Variants in JAZF1 observed in about 807,000 individuals in gnomAD.
JAZF1 encodes JAZF zinc finger 1, also known as juxtaposed with another zinc finger protein 1.
A neutral mutation model predicts 26.4 loss-of-function variants in JAZF1; 8 were observed. The ratio of observed to expected loss-of-function variants is 0.30; its 90% confidence interval spans 0.18 to 0.55. The LOEUF is 0.55. JAZF1 is among the 20% of genes least tolerant of loss of function. The pLI, the probability that JAZF1 is intolerant of heterozygous loss-of-function variation, is 0.94. For missense variants in JAZF1, 199 were observed against 322.0 expected (o/e 0.62, Z 2.92); for synonymous variants, 126 against 122.3 (o/e 1.03, Z -0.20).
At chr7:28,135,411 C>T (rs900638155) in intron 1 of JAZF1, among the ~76,000 whole-genome samples, 21 of 152,192 alleles carry the variant, frequency 1.4e-4, no homozygotes, top group African/African-American at 5.1e-4. Context: ...ACTAGTTTTA[C>T]AATTGTTCTT....
intron 1 of JAZF1, among the ~76,000 whole-genome samples, chr7:28,157,244 C>T (rs1783199997): frequency 6.6e-6 from 1 of 152,200 alleles, no homozygotes; most frequent in African/African-American, 2.4e-5. Context: ...GATAAGCAGA[C>T]AAAGTGAGAG....
intron 2 of JAZF1, among the ~76,000 whole-genome samples, chr7:27,897,561 T>C (rs17156000): frequency 0.018 from 2,717 of 152,314 alleles, 84 homozygotes; most frequent in African/African-American, 0.062. Flanking sequence ...TACGTAAGAA[T>C]GACCTCTGAC....
At chr7:27,987,572 G>C (rs1785755132) in intron 2 of JAZF1, among the ~76,000 whole-genome samples, 1 of 151,710 alleles carries the variant, frequency 6.6e-6, no homozygotes, top group Non-Finnish European at 1.5e-5. Context: ...GGAGGTGGGG[G>C]GCAGCCCCCG....
At chr7:28,049,072 C>CCTCTCT (rs1182638919) in intron 1 of JAZF1, among the ~76,000 whole-genome samples, 6 of 113,604 alleles carry the variant, frequency 5.3e-5, no homozygotes, top group African/African-American at 1.1e-4. Context: ...TCCCTCCCTT[C>CCTCTCT]CTCTCTCTCT....
chr7:28,015,532 C>G lies in JAZF1; in HGVS notation c.116-23551G>C, dbSNP rs377183530. On this transcript the variant is annotated intron_variant, in intron 1 of 4. Coordinates refer to ENST00000283928, the MANE Select transcript of JAZF1 (RefSeq NM_175061.4). ...TTAAAACAATTAGGGAACAGATGCTCTGAGATACATGTTAAAGCAAGATGC... is the reference window on the plus strand; with the variant it reads ...TTAAAACAATTAGGGAACAGATGCTGTGAGATACATGTTAAAGCAAGATGC... Among the ~76,000 whole-genome samples the G allele has an allele frequency of 1.8e-4, 27 of 152,248 alleles. No homozygotes were observed. The East Asian group carries it at 3.5e-3, about 20-fold the overall frequency.
rs149379560 is a variant in JAZF1, at chr7:27,846,193, G to A, written c.386-5326C>T. On this transcript the variant is annotated intron_variant, in intron 3 of 4. Transcript: ENST00000283928. ...TATTTGACATTTTCCACATATAAGT[G>A]AGATCATGTACTATTTTTCTGTGTC... 3.0e-3 allele frequency among the ~76,000 whole-genome samples: 455 copies of A among 152,108 alleles called. 3 individuals are homozygous for A. The highest frequency in any genetic ancestry group is 4.5e-3 in the Non-Finnish European group (307 of 68,006).
At chr7:28,023,183 G>C (rs1416925567) in intron 1 of JAZF1, among the ~76,000 whole-genome samples, 1 of 152,136 alleles carries the variant, frequency 6.6e-6, no homozygotes, top group Non-Finnish European at 1.5e-5. Flanking sequence ...ACTCCATGAA[G>C]GAAGACAGAA....
intron 1 of JAZF1, among the ~76,000 whole-genome samples, chr7:28,082,340 T>C (rs1208280999): frequency 6.6e-6 from 1 of 152,166 alleles, no homozygotes; most frequent in Non-Finnish European, 1.5e-5. Context: ...GTGTTCCTCA[T>C]TGAACTCTCC....
intron 1 of JAZF1, among the ~76,000 whole-genome samples, chr7:28,142,530 C>T (rs1377486700): frequency 6.6e-6 from 1 of 152,194 alleles, no homozygotes; most frequent in African/African-American, 2.4e-5. Flanking sequence ...TCCATGAGTA[C>T]TTCCCAAATA....
At chr7:28,179,366 T>C (rs893623030) in intron 1 of JAZF1, among the ~76,000 whole-genome samples, 59 of 152,230 alleles carry the variant, frequency 3.9e-4, no homozygotes, top group African/African-American at 1.2e-3. Flanking sequence ...AGAGGACTTG[T>C]TGAAAGGTCC....
At chr7:27,937,534 T>A (rs148842262) in intron 2 of JAZF1, among the ~76,000 whole-genome samples, 1 of 152,142 alleles carries the variant, frequency 6.6e-6, no homozygotes, top group South Asian at 2.1e-4. Flanking sequence ...AATATGATCC[T>A]CTCCTTTAAG....
chr7:27,979,241 T>A (rs56115705), intron 2 of JAZF1, among the ~76,000 whole-genome samples: 4,227 of 152,098 alleles, frequency 0.028, 195 homozygotes, highest in African/African-American at 0.097. Context: ...TTACATCTTA[T>A]ACTAAATGCT....
chr7:27,872,973 C>T (rs1329611832), intron 3 of JAZF1, among the ~76,000 whole-genome samples: 6 of 152,146 alleles, frequency 3.9e-5, no homozygotes, highest in African/African-American at 9.7e-5. Context: ...GTTAAATACA[C>T]TTTACAGCTG....
intron 2 of JAZF1, among the ~76,000 whole-genome samples, chr7:27,963,977 T>C (rs965548172): frequency 6.6e-6 from 1 of 152,168 alleles, no homozygotes; most frequent in Admixed American, 6.5e-5. Flanking sequence ...AACATCTGAA[T>C]TGGTTGCTTA....
At chr7:27,937,245 G>A (rs1562534240) in intron 2 of JAZF1, among the ~76,000 whole-genome samples, 1 of 152,294 alleles carries the variant, frequency 6.6e-6, no homozygotes, top group East Asian at 1.9e-4. Flanking sequence ...TAGGCTTAAT[G>A]TTTAAAAAGG....
chr7:28,067,205 C>T (rs919731730), intron 1 of JAZF1, among the ~76,000 whole-genome samples: 2 of 152,180 alleles, frequency 1.3e-5, no homozygotes, highest in East Asian at 3.8e-4. Flanking sequence ...AAGGCTGGGT[C>T]TGAAAAACCT....
chr7:27,884,140 C>A (rs1397111733), intron 3 of JAZF1, among the ~76,000 whole-genome samples: 1 of 152,180 alleles, frequency 6.6e-6, no homozygotes. Flanking sequence ...CTGAAATGCA[C>A]AAATCTTAAG....
chr7:27,834,752 C>T (rs953265548), intron 4 of JAZF1, among the ~76,000 whole-genome samples: 1 of 152,212 alleles, frequency 6.6e-6, no homozygotes, highest in African/African-American at 2.4e-5. Flanking sequence ...CCAAGTGAGC[C>T]TTCAGATGAT....
At chr7:28,021,653 C>A (rs1391692860) in intron 1 of JAZF1, among the ~76,000 whole-genome samples, 1 of 152,196 alleles carries the variant, frequency 6.6e-6, no homozygotes, top group East Asian at 1.9e-4. Context: ...AGGACAGAGG[C>A]ACTAGACACC....
Sources: allele counts gnomAD v4.1 joint callset (sites outside exome capture counted in the v4.1 genomes callset), GRCh38; gene constraint gnomAD v4.1.1; transcripts MANE v1.5; gene names NCBI Gene and HGNC (gene_info 2026-07-23, HGNC 2026-07-21).